Variants in ANAPC7 observed in about 807,000 individuals in gnomAD.
ANAPC7 encodes the protein anaphase-promoting complex subunit 7.
In ANAPC7, 25 loss-of-function variants were observed where a neutral mutation model predicts 63.3. That is an observed-to-expected ratio of 0.39 (90% CI 0.29 to 0.55). ANAPC7 has a LOEUF of 0.55. ANAPC7 is among the 20% of genes least tolerant of loss of function. ANAPC7 has a pLI of 0.57. For missense variants in ANAPC7, 516 were observed against 691.7 expected (o/e 0.75, Z 2.85); for synonymous variants, 241 against 251.7 (o/e 0.96, Z 0.40).
At chr12:110,402,934 G>C (rs1410334154) in intron 1 of ANAPC7, among the ~76,000 whole-genome samples, 1 of 151,602 alleles carries the variant, frequency 6.6e-6, no homozygotes, top group Non-Finnish European at 1.5e-5. Flanking sequence ...TAGAGGCAGG[G>C]TCTCCCTATG....
At chr12:110,387,214 G>GGAGAGAGAGAGA (rs143586209) in intron 5 of ANAPC7, 2 of 57,820 alleles carry the variant, frequency 3.5e-5, no homozygotes, top group East Asian at 6.1e-4. Context: ...CTCTAGCCTG[G>GGAGAGAGAGAGA]GAGAGAGAGA....
In ANAPC7 at chr12:110,374,186, C is replaced by T. The variant is rs534328972; in HGVS notation, c.1656G>A (p.Ala552=). The stretch of plus-strand genomic sequence containing the variant: ...ACTGCTCCTGGTCAGCCCACTGGGC[C>T]GCCTCACTGTCGCTGCCCTCCAGGT... ...EGDLEGSDSE[A]AQWADQEQWF... Residue 552 remains alanine, a synonymous_variant, in exon 11 of 11, where the codon GCG becomes GCA. Coordinates refer to ENST00000455511, the MANE Select transcript of ANAPC7 (RefSeq NM_016238.3). The T allele has an allele frequency of 1.8e-5, 29 of 1,613,618 alleles. No homozygotes were observed. Among genetic ancestry groups the T allele is most frequent in the Middle Eastern group, 1.7e-4 (1 of 6,054 alleles).
chr12:110,382,703 G>A lies in ANAPC7; in HGVS notation c.935+140C>T, dbSNP rs1882056109. The A allele has an allele frequency of 1.1e-5, 7 of 640,588 alleles. No individual in the cohort carries two copies. In the Admixed American group the frequency reaches 1.9e-4, roughly 18 times the overall value. 39.7% of individuals were successfully genotyped at this position (640,588 alleles called of 1,614,324 possible). A position where few individuals can be genotyped will look rare whatever the true frequency, so the allele number is the denominator to read the frequency against. The stretch of plus-strand genomic sequence containing the variant: ...ACCTGTCTCAGTCTCCCAAAGTGTT[G>A]AGATTACAGGCATGAGCCACCATGC... On this transcript the variant is annotated intron_variant, in intron 7 of 10. Transcript: ENST00000455511.
chr12:110,394,294 C>G (rs1405559242), intron 3 of ANAPC7, among the ~76,000 whole-genome samples: 2 of 151,800 alleles, frequency 1.3e-5, no homozygotes, highest in Non-Finnish European at 2.9e-5. Context: ...AGTTTGAGAC[C>G]AACCTGGGCA....
intron 8 of ANAPC7, chr12:110,378,040 A>G (rs1881450437): frequency 4.6e-6 from 1 of 217,308 alleles, no homozygotes; most frequent in African/African-American, 2.2e-5. Flanking sequence ...CTCCAGCTGC[A>G]TTCGGTCACC....
intron 1 of ANAPC7, among the ~76,000 whole-genome samples, chr12:110,399,616 A>G (rs1185329980): frequency 6.6e-6 from 1 of 152,070 alleles, no homozygotes; most frequent in African/African-American, 2.4e-5. Context: ...TTGTAAATAC[A>G]CTAAAACCCA....
At chr12:110,389,149 C>T (rs1882884090) in intron 3 of ANAPC7, among the ~76,000 whole-genome samples, 2 of 151,760 alleles carry the variant, frequency 1.3e-5, no homozygotes, top group Admixed American at 6.6e-5. Flanking sequence ...CTCCTGCCTT[C>T]CCTAAGAGGA....
In ANAPC7 at chr12:110,382,757, T is replaced by C. The variant is rs569429040; in HGVS notation, c.935+86A>G. Reference sequence around the variant, plus strand: ...TCCAGGTGATTACCTCTTAAACCTGTGCTTTCAATTTATATTCTCTTCAAG... The same window carrying C: ...TCCAGGTGATTACCTCTTAAACCTGCGCTTTCAATTTATATTCTCTTCAAG... On this transcript the variant is annotated intron_variant, in intron 7 of 10. Coordinates refer to ENST00000455511, the MANE Select transcript of ANAPC7 (RefSeq NM_016238.3). The C allele has an allele frequency of 5.4e-5, 63 of 1,163,556 alleles. 1 individual carries two copies. In the African/African-American group the frequency reaches 8.3e-4, roughly 15 times the overall value. The allele number at this position is 1,163,556 out of a possible 1,614,324, so 72.1% of individuals were successfully genotyped here.
intron 1 of ANAPC7, among the ~76,000 whole-genome samples, chr12:110,402,491 G>A (rs1171973097): frequency 1.3e-5 from 2 of 151,894 alleles, no homozygotes; most frequent in Non-Finnish European, 2.9e-5. Context: ...CACCACGCCT[G>A]GCTAAATTTT....
chr12:110,393,792 G>C (rs1483919985), intron 3 of ANAPC7, among the ~76,000 whole-genome samples: 1 of 151,164 alleles, frequency 6.6e-6, no homozygotes, highest in Non-Finnish European at 1.5e-5. Flanking sequence ...GCTTGAACCC[G>C]GGAGGCAGAG....
intron 10 of ANAPC7, chr12:110,375,599 T>C (rs185409201): frequency 1.3e-6 from 1 of 777,920 alleles, no homozygotes; most frequent in African/African-American, 1.9e-5. Context: ...GGTAGCTAGA[T>C]ATAGACAAGG....
At chr12:110,395,684 A>G (rs983819135) in intron 2 of ANAPC7, among the ~76,000 whole-genome samples, 1 of 151,684 alleles carries the variant, frequency 6.6e-6, no homozygotes, top group African/African-American at 2.4e-5. Context: ...GACTACAGGC[A>G]TCCACCACCA....
intron 10 of ANAPC7, chr12:110,375,514 T>G: frequency 1.1e-6 from 1 of 947,586 alleles, no homozygotes; most frequent in Non-Finnish European, 1.3e-6. Context: ...GCATTTACTA[T>G]GTACCAGGCA....
chr12:110,386,650 A>G (rs1383744697), intron 5 of ANAPC7, 181 bp from the exon 6 acceptor site: 2 of 556,450 alleles, frequency 3.6e-6, no homozygotes, highest in South Asian at 2.5e-5. Flanking sequence ...TAGCAAAAAC[A>G]AAGAATAAAG....
At chr12:110,395,705 A>AT (rs1329629000) in intron 2 of ANAPC7, among the ~76,000 whole-genome samples, 1 of 151,694 alleles carries the variant, frequency 6.6e-6, no homozygotes, top group Admixed American at 6.6e-5. Context: ...TGCCTGGCTA[A>AT]TTTTTTGTAT....
intron 8 of ANAPC7, among the ~76,000 whole-genome samples, chr12:110,379,576 C>T (rs2137924597): frequency 6.6e-6 from 1 of 152,298 alleles, no homozygotes; most frequent in Admixed American, 6.5e-5. Context: ...AATCTGAAAT[C>T]AATGGTTGGT....
chr12:110,393,867 CAAA>C (rs771757058), intron 3 of ANAPC7, among the ~76,000 whole-genome samples: 1 of 37,348 alleles, frequency 2.7e-5, no homozygotes, highest in Non-Finnish European at 5.6e-5. Flanking sequence ...AACTCCCTCT[CAAA>C]AAAAAAAAAA....
At chr12:110,400,047 C>T (rs1026464372) in intron 1 of ANAPC7, among the ~76,000 whole-genome samples, 4 of 152,052 alleles carry the variant, frequency 2.6e-5, no homozygotes, top group Admixed American at 1.3e-4. Flanking sequence ...GCCGAGATCA[C>T]GCCACTGCAC....
intron 2 of ANAPC7, 37 bp from the exon 3 acceptor site, chr12:110,395,257 T>G: frequency 1.9e-6 from 3 of 1,587,424 alleles, no homozygotes; most frequent in Non-Finnish European, 2.6e-6. Flanking sequence ...GAAACGTTAT[T>G]CCAACAATAT....
Sources: allele counts gnomAD v4.1 joint callset (sites outside exome capture counted in the v4.1 genomes callset), GRCh38; gene constraint gnomAD v4.1.1; transcripts MANE v1.5; gene names NCBI Gene and HGNC (gene_info 2026-07-23, HGNC 2026-07-21).